RBBP8: variants seen among roughly 807,000 people sequenced by gnomAD.
RBBP8 encodes the protein DNA endonuclease RBBP8.
In RBBP8, 88 loss-of-function variants were observed where a neutral mutation model predicts 108.3. The observed-to-expected ratio is 0.81, with a 90% CI of 0.68 to 0.97. The LOEUF (loss-of-function observed/expected upper bound fraction) is 0.97. Ranked by LOEUF, RBBP8 falls within the 50% of genes least tolerant of loss-of-function variation. The pLI is 0.00. For synonymous variants in RBBP8, 332 were observed against 348.2 expected (o/e 0.95, Z 0.52); for missense variants, 1,023 against 1,049.0 (o/e 0.98, Z 0.34).
Position 22,924,129 on chromosome 18 carries a change from T to TTG in RBBP8, c.-153-5253_-153-5252insGT, listed in dbSNP as rs1468715465. ...ATTTTTTAGTTAGTTTGTTTTTGGT[T>TTG]TTTTTTTTTTTTTTTTTTGAGACGG... On this transcript the variant is annotated intron_variant, in intron 3 of 4. Coordinates refer to the RBBP8 transcript ENST00000577588. Among the ~76,000 whole-genome samples the TTG allele has an allele frequency of 3.6e-5, 5 of 137,982 alleles. No homozygotes were observed. The South Asian group carries it at 9.6e-4, about 26-fold the overall frequency. 90.5% of individuals were successfully genotyped at this position (137,982 alleles called of 152,430 possible).
intron 1 of RBBP8, chr18:22,934,090 C>T (rs941793465): frequency 2.0e-5 from 3 of 152,304 alleles, no homozygotes; most frequent in Non-Finnish European, 2.9e-5. Context: ...TGAGCACCTG[C>T]AGTGTAGTGG....
At chr18:23,024,200 A>C (rs2144865841) in intron 18 of RBBP8, among the ~76,000 whole-genome samples, 1 of 152,044 alleles carries the variant, frequency 6.6e-6, no homozygotes, top group East Asian at 1.9e-4. Flanking sequence ...GGGCCTCTTT[A>C]ACTGAAGATT....
chr18:22,990,985 C>G lies in RBBP8; in HGVS notation c.856C>G (p.Leu286Val), dbSNP rs754680178. 1 of 1,613,748 alleles carries G rather than the reference C, an allele frequency of 6.2e-7. No individual in the cohort carries two copies. The highest frequency in any genetic ancestry group is 1.3e-5 in the African/African-American group (1 of 74,910). The part of the protein sequence containing the change: ...SPLGDELYHC[L>V]EGNHKKQPFE... ...CCTTGGTGATGAGCTCTACCACTGT[C>G]TGGAAGGAAATCACAAGAAACAGCC... Residue 286 changes from leucine (L) to valine (V), a missense_variant, in exon 10 of 19, where the codon CTG becomes GTG. By Grantham distance (32) the Leu-to-Val change is conservative (BLOSUM62 1). Coordinates refer to ENST00000327155, the MANE Select transcript of RBBP8 (RefSeq NM_002894.3).
At chr18:22,917,649 TA>T (rs1365524436) in intron 3 of RBBP8, among the ~76,000 whole-genome samples, 1 of 152,274 alleles carries the variant, frequency 6.6e-6, no homozygotes, top group East Asian at 1.9e-4. Context: ...TAACTTAGAA[TA>T]TGCACGTTTT....
chr18:22,931,031 C>A (rs1465934129), upstream of RBBP8, among the ~76,000 whole-genome samples: 1 of 152,158 alleles, frequency 6.6e-6, no homozygotes, highest in Non-Finnish European at 1.5e-5. Context: ...CTTGCCTCAG[C>A]CACCCAAAGT....
At position 23,004,056 on chromosome 18, in the gene RBBP8, C is replaced by CA. The variant is rs34653966; in HGVS notation, c.2288-2280dup. The stretch of plus-strand genomic sequence containing the variant: ...TGGGCAACAGCGCAAGACCCCGTCT[C>CA]AAAAAAAAAAAAAAAAAAAAAAAAA... On this transcript the variant is annotated intron_variant, in intron 15 of 18. Coordinates refer to ENST00000327155, the MANE Select transcript of RBBP8 (RefSeq NM_002894.3). Among the ~76,000 whole-genome samples, 634 of 69,534 alleles carry CA rather than the reference C, an allele frequency of 9.1e-3. 19 individuals are homozygous for CA. The highest frequency in any genetic ancestry group is 0.032 in the East Asian group (57 of 1,758). The allele number at this position is 69,534 out of a possible 152,430, so 45.6% of individuals were successfully genotyped here.
chr18:22,988,399 C>T (rs1453958972), intron 8 of RBBP8, among the ~76,000 whole-genome samples: 4 of 152,182 alleles, frequency 2.6e-5, no homozygotes, highest in African/African-American at 7.2e-5. Flanking sequence ...AGCAGTCAAA[C>T]CACGCGTAGT....
chr18:22,919,285 A>G (rs1909487459), intron 3 of RBBP8, among the ~76,000 whole-genome samples: 1 of 152,206 alleles, frequency 6.6e-6, no homozygotes, highest in Non-Finnish European at 1.5e-5. Context: ...ATGAATGAAT[A>G]AAGAGCAAAA....
chr18:22,936,806 G>T lies in RBBP8; in HGVS notation c.-46G>T. Reference sequence around the variant, plus strand: ...ATACCTCTATAATGTAACAGAAAAGGTCAGAAAATATTAAGCAAGTAGAAG... The same window carrying T: ...ATACCTCTATAATGTAACAGAAAAGTTCAGAAAATATTAAGCAAGTAGAAG... On this transcript the variant is annotated 5_prime_UTR_variant, in exon 2 of 19. Coordinates refer to ENST00000327155, the MANE Select transcript of RBBP8 (RefSeq NM_002894.3). The T allele has an allele frequency of 6.2e-7, 1 of 1,611,176 alleles. No individual in the cohort carries two copies. Among genetic ancestry groups the T allele is most frequent in the Non-Finnish European group, 8.5e-7 (1 of 1,177,946 alleles).
intron 14 of RBBP8, among the ~76,000 whole-genome samples, chr18:22,999,241 AT>A (rs1393922920): frequency 1.3e-5 from 2 of 152,218 alleles, no homozygotes; most frequent in Non-Finnish European, 2.9e-5. Context: ...CCATTTTCTT[AT>A]CTTCATAGTT....
intron 4 of RBBP8, among the ~76,000 whole-genome samples, chr18:22,960,625 T>C (rs1913013075): frequency 6.6e-6 from 1 of 152,190 alleles, no homozygotes; most frequent in Non-Finnish European, 1.5e-5. Context: ...TCTGACAGTC[T>C]CGTTCAGTCA....
intron 8 of RBBP8, among the ~76,000 whole-genome samples, chr18:22,985,900 T>G (rs1915294207): frequency 6.6e-6 from 1 of 152,106 alleles, no homozygotes; most frequent in African/African-American, 2.4e-5. Context: ...GTCCAAGTAT[T>G]GAGCCTTGGG....
intron 5 of RBBP8, among the ~76,000 whole-genome samples, chr18:22,970,604 G>GT (rs1914003053): frequency 6.6e-6 from 1 of 152,184 alleles, no homozygotes; most frequent in Non-Finnish European, 1.5e-5. Flanking sequence ...GGTGAAGAAT[G>GT]ATACCTTTTT....
chr18:22,953,896 A>G (rs1195331042), intron 4 of RBBP8, among the ~76,000 whole-genome samples: 1 of 152,120 alleles, frequency 6.6e-6, no homozygotes, highest in Non-Finnish European at 1.5e-5. Context: ...CAGAAAGGGA[A>G]GCAAACACAT....
At chr18:22,953,969 C>G (rs1250178598) in intron 4 of RBBP8, among the ~76,000 whole-genome samples, 1 of 151,956 alleles carries the variant, frequency 6.6e-6, no homozygotes, top group Non-Finnish European at 1.5e-5. Flanking sequence ...CTTATAAAAC[C>G]ATCAGATCTC....
chr18:22,998,653 T>G (rs1434997242), intron 14 of RBBP8, among the ~76,000 whole-genome samples: 1 of 152,276 alleles, frequency 6.6e-6, no homozygotes, highest in Non-Finnish European at 1.5e-5. Flanking sequence ...AGGCTGGGTG[T>G]GCATTCCTTA....
chr18:23,019,525 A>T (rs1445772594), intron 17 of RBBP8, among the ~76,000 whole-genome samples: 1 of 152,092 alleles, frequency 6.6e-6, no homozygotes, highest in African/African-American at 2.4e-5. Context: ...TGAGATAGTG[A>T]TCTCAAATTT....
intron 14 of RBBP8, among the ~76,000 whole-genome samples, chr18:23,000,235 C>A (rs1274588793): frequency 6.6e-6 from 1 of 152,044 alleles, no homozygotes; most frequent in African/African-American, 2.4e-5. Context: ...AATCTTAGGC[C>A]TCTTTTCTGT....
chr18:22,929,677 T>TG (rs1909950926), upstream of RBBP8, among the ~76,000 whole-genome samples: 1 of 152,066 alleles, frequency 6.6e-6, no homozygotes, highest in South Asian at 2.1e-4. Flanking sequence ...CCACCCTATC[T>TG]GGCCTCAGGT....
Sources: gnomAD v4.1 joint callset for allele counts (sites outside exome capture counted in the v4.1 genomes callset) on GRCh38, gnomAD v4.1.1 for gene constraint, MANE v1.5 for transcripts, NCBI Gene and HGNC (gene_info 2026-07-23, HGNC 2026-07-21) for gene names.